FBXO42: variants seen among roughly 807,000 people sequenced by gnomAD.
The protein encoded by FBXO42 is F-box protein 42.
FBXO42 carries 12 observed loss-of-function variants against 71.7 expected under a neutral mutation model. The ratio of observed to expected loss-of-function variants is 0.17; its 90% CI spans 0.11 to 0.27. The LOEUF is 0.27. Ranked by LOEUF, FBXO42 falls within the 10% of genes least tolerant of loss-of-function variation. FBXO42 has a pLI of 1.00. For missense variants in FBXO42, 707 were observed against 911.9 expected (o/e 0.78, Z 2.89); for synonymous variants, 325 against 327.5 (o/e 0.99, Z 0.08).
chr1:16,308,868 C>T (rs562761813), intron 2 of FBXO42, among the ~76,000 whole-genome samples: 2 of 150,984 alleles, frequency 1.3e-5, no homozygotes, highest in Non-Finnish European at 2.9e-5. Flanking sequence ...CTCAGGTTCC[C>T]AAGTAGCTGA....
rs2100423208 is a variant in FBXO42 at position 16,251,496 on chromosome 1, C to T, written c.1328G>A (p.Ser443Asn). 1 of 1,614,214 alleles carries T rather than the reference C, an allele frequency of 6.2e-7. No individual in the cohort carries two copies. ...CACAGCTGCCGTTCCTGGAGACAAA[C>T]TCCCACCATTGAGGATAGGAGAGCC... ...GDGSPILNGGSLSPGTAAVGG... is the reference protein window; with the variant it reads ...GDGSPILNGGNLSPGTAAVGG... Residue 443 changes from serine (S) to asparagine (N), a missense_variant, in exon 10 of 10, where the codon AGT (serine) becomes AAT (asparagine). By Grantham distance (46) the Ser-to-Asn change is conservative. Coordinates refer to ENST00000375592, the MANE Select transcript of FBXO42 (RefSeq NM_018994.3). The surrounding 1 kb of genome is among the most constrained non-coding windows in gnomAD (Gnocchi z 4.5).
chr1:16,290,850 T>C (rs2082069932), intron 4 of FBXO42, among the ~76,000 whole-genome samples: 1 of 152,144 alleles, frequency 6.6e-6, no homozygotes. Context: ...CTGTGAGAAA[T>C]ACATTTCTGC....
intron 2 of FBXO42, 103 bp from the exon 3 acceptor site, chr1:16,306,022 C>A: frequency 3.7e-6 from 3 of 814,966 alleles, no homozygotes; most frequent in Non-Finnish European, 5.8e-6. Context: ...ATACAAGTTT[C>A]TTTTTTTTTT....
At chr1:16,287,868 G>C (rs2082038187) in intron 4 of FBXO42, among the ~76,000 whole-genome samples, 1 of 152,120 alleles carries the variant, frequency 6.6e-6, no homozygotes, top group South Asian at 2.1e-4. Flanking sequence ...TGGATCGCCT[G>C]AGGTCAGGAT....
At chr1:16,256,535 C>CA (rs3830890) in intron 5 of FBXO42, 71 bp downstream of exon 5, 499,098 of 1,517,508 alleles carry the variant, frequency 0.33, 87,866 homozygotes, top group Non-Finnish European at 0.37. Context: ...ACTCTTGACA[C>CA]AAAAAAACAA....
At chr1:16,303,439 T>C (rs2082217205) in intron 3 of FBXO42, among the ~76,000 whole-genome samples, 1 of 152,214 alleles carries the variant, frequency 6.6e-6, no homozygotes, top group African/African-American at 2.4e-5. Flanking sequence ...CAGTAAGCAA[T>C]GACTTTACAG....
intron 6 of FBXO42, among the ~76,000 whole-genome samples, chr1:16,254,103 T>C (rs577353648): frequency 4.2e-4 from 64 of 152,340 alleles, no homozygotes; most frequent in Middle Eastern, 3.4e-3. Context: ...AGGCTGTATC[T>C]TTCTTCCCCT....
At chr1:16,306,097 C>T (rs971229563) in intron 2 of FBXO42, among the ~76,000 whole-genome samples, 178 bp from the exon 3 acceptor site, 12 of 152,048 alleles carry the variant, frequency 7.9e-5, no homozygotes, top group African/African-American at 2.9e-4. Context: ...ATCTCGGCCA[C>T]TGCAACCTCT....
chr1:16,253,009 T>G (rs2081607491), intron 8 of FBXO42, 87 bp downstream of exon 8: 1 of 1,162,644 alleles, frequency 8.6e-7, no homozygotes, highest in Non-Finnish European at 1.3e-6. Flanking sequence ...GAAATAGTCT[T>G]GTATACTCCT....
intron 1 of FBXO42, among the ~76,000 whole-genome samples, chr1:16,333,447 C>G (rs887169277): frequency 2.0e-5 from 2 of 99,230 alleles, no homozygotes; most frequent in Admixed American, 9.1e-5. Flanking sequence ...CCCCCCCCCC[C>G]CATTTCCAAG....
chr1:16,296,704 T>TC (rs1240405493), intron 3 of FBXO42, among the ~76,000 whole-genome samples: 1 of 151,802 alleles, frequency 6.6e-6, no homozygotes, highest in African/African-American at 2.4e-5. Flanking sequence ...ATTCACAGAT[T>TC]CATTGCCCTG....
chr1:16,332,208 CT>C (rs1311853544), intron 1 of FBXO42, among the ~76,000 whole-genome samples: 7 of 152,124 alleles, frequency 4.6e-5, no homozygotes, highest in Admixed American at 4.6e-4. Flanking sequence ...ATGTAATCCC[CT>C]CTTTGCCACC....
At chr1:16,255,437 C>T (rs1008691907) in intron 6 of FBXO42, among the ~76,000 whole-genome samples, 31 of 151,526 alleles carry the variant, frequency 2.0e-4, no homozygotes, top group Non-Finnish European at 4.0e-4. Flanking sequence ...CAGGTTCAAG[C>T]GATTCTCCTG....
intron 4 of FBXO42, among the ~76,000 whole-genome samples, chr1:16,265,750 T>C (rs1224178491): frequency 6.6e-6 from 1 of 151,422 alleles, no homozygotes; most frequent in East Asian, 1.9e-4. Flanking sequence ...TCCCTTGTCC[T>C]TGGAAGTTTA....
intron 1 of FBXO42, among the ~76,000 whole-genome samples, chr1:16,348,006 AAAAGAAAAAAAG>A (rs1014476002): frequency 6.9e-6 from 1 of 144,928 alleles, no homozygotes; most frequent in African/African-American, 2.9e-5. Flanking sequence ...AAAAAAAAAA[AAAAGAAAAAAAG>A]AAAAGAAAGA....
intron 2 of FBXO42, among the ~76,000 whole-genome samples, chr1:16,313,274 A>G (rs11260724): frequency 2.7e-5 from 4 of 149,482 alleles, no homozygotes; most frequent in South Asian, 2.1e-4. Context: ...AAATAAAAAA[A>G]AAAGAAAGAA....
intron 4 of FBXO42, among the ~76,000 whole-genome samples, chr1:16,263,357 A>T (rs1315141194): frequency 3.3e-5 from 5 of 152,114 alleles, no homozygotes; most frequent in Admixed American, 3.3e-4. Flanking sequence ...CTGAGGCAGG[A>T]GAATGGCGTG....
At chr1:16,266,130 C>A (rs541403267) in intron 4 of FBXO42, among the ~76,000 whole-genome samples, 1 of 152,116 alleles carries the variant, frequency 6.6e-6, no homozygotes, top group South Asian at 2.1e-4. Flanking sequence ...AGTCAGAACC[C>A]TTTCTACCCC....
Position 16,281,442 on chromosome 1 carries a change from G to A in FBXO42, c.502+13341C>T, listed in dbSNP as rs915799175. ...CTCATGACTAACTGGGTTTGTAAAA[G>A]GTGGCTATTTCTTTTCTTTTTCTTT... On this transcript the variant is annotated intron_variant, in intron 4 of 9. Transcript: ENST00000375592. Among the ~76,000 whole-genome samples the A allele has an allele frequency of 3.3e-5, 5 of 151,776 alleles. No homozygotes were observed. In the East Asian group the frequency reaches 9.7e-4, roughly 29 times the overall value.
Sources: allele counts gnomAD v4.1 joint callset (sites outside exome capture counted in the v4.1 genomes callset), GRCh38; gene constraint gnomAD v4.1.1; non-coding constraint Gnocchi (gnomAD v3.1); transcripts MANE v1.5; gene names NCBI Gene and HGNC (gene_info 2026-07-23, HGNC 2026-07-21).